TBX3: variants seen among roughly 807,000 people sequenced by gnomAD.
TBX3 encodes the protein T-box transcription factor 3, also known as T-box transcription factor TBX3.
In TBX3, 11 loss-of-function variants were observed where a neutral mutation model predicts 47.8. The ratio of observed to expected loss-of-function variants is 0.23; its 90% CI spans 0.14 to 0.38. The LOEUF (loss-of-function observed/expected upper bound fraction) is 0.38, where lower values mean the gene tolerates loss of function less well. Ranked by LOEUF, TBX3 falls within the 10% of genes least tolerant of loss-of-function variation. The probability of loss-of-function intolerance (pLI) is 1.00; values close to 1 mark genes in which losing one functional copy is unlikely to be tolerated. For synonymous variants in TBX3, 500 were observed against 449.3 expected, an observed-to-expected ratio of 1.11 and a Z score of -1.43; for missense variants, 927 against 1,022.8, an observed-to-expected ratio of 0.91 and a Z score of 1.28.
rs1229112162 is a variant in TBX3, at chr12:114,670,411, AATAT to A, written c.*1426_*1429del. 4.6e-6 allele frequency: 1 copy of A among 219,704 alleles called. No homozygotes were observed. The highest frequency in any genetic ancestry group is 9.1e-6 in the Non-Finnish European group (1 of 109,650). The allele number at this position is 219,704 out of a possible 1,614,324, so 13.6% of individuals were successfully genotyped here. A position where few individuals can be genotyped will look rare whatever the true frequency, so the allele number is the denominator to read the frequency against. The stretch of plus-strand genomic sequence containing the variant: ...CTCAGCACCTGACTTTTGAACTGTG[AATAT>A]ATCTCTATAGGCAGGCACCAATTCA... On this transcript the variant is annotated 3_prime_UTR_variant, in exon 7 of 7. Transcript: ENST00000349155.
At chr12:114,680,026 T>G in intron 2 of TBX3, 1 of 1,589,344 alleles carries the variant, frequency 6.3e-7, no homozygotes, top group Non-Finnish European at 8.6e-7. Flanking sequence ...TTCAGTACTT[T>G]AAGCGCCCAC....
In TBX3 at chr12:114,674,799, G is replaced by C. The variant is rs2121385647; in HGVS notation, c.1076C>G (p.Ala359Gly). The C allele has an allele frequency of 1.9e-6, 3 of 1,581,986 alleles. No individual in the cohort carries two copies. The highest frequency in any genetic ancestry group is 2.7e-5 in the African/African-American group (2 of 74,884). The change falls in exon 6 of 7, where the codon GCC becomes GGC. Residue 359 changes from alanine (A) to glycine (G), a missense_variant. Coordinates refer to ENST00000349155, the MANE Select transcript of TBX3 (RefSeq NM_005996.4). The part of the protein sequence containing the change: ...CPSEGESDAE[A>G]ESKEEHGPEA... ...GGGGCCATGCTCCTCTTTGCTCTCG[G>C]CCTCGGCGTCGCTCTCACCCTCGCT...
chr12:114,683,541 C>G lies in TBX3; in HGVS notation c.-341G>C, dbSNP rs551508937. 2.4e-4 allele frequency: 81 copies of G among 341,826 alleles called. No homozygotes were observed. Among genetic ancestry groups the G allele is most frequent in the African/African-American group, 1.6e-3 (77 of 48,144 alleles). 21.2% of individuals were successfully genotyped at this position (341,826 alleles called of 1,614,324 possible). A position where few individuals can be genotyped will look rare whatever the true frequency, so the allele number is the denominator to read the frequency against. ...GCGAGAGGAGCGAGCAGGGTCTCGA[C>G]TCGCGCCCGAGCCCTGCCGCTGAGC... On this transcript the variant is annotated 5_prime_UTR_variant, in exon 1 of 7. Transcript: ENST00000349155. The surrounding 1 kb of genome is among the most constrained non-coding windows in gnomAD (Gnocchi z 7.7).
chr12:114,680,803 C>T, intron 2 of TBX3, 76 bp downstream of exon 2: 2 of 1,600,360 alleles, frequency 1.2e-6, no homozygotes, highest in East Asian at 4.5e-5. Flanking sequence ...TGGGCTGAAA[C>T]TCATGAAATG....
At chr12:114,680,423 A>G (rs1291943013) in intron 2 of TBX3, 2 of 284,278 alleles carry the variant, frequency 7.0e-6, no homozygotes, top group African/African-American at 4.4e-5. Context: ...TTTTTAGTAA[A>G]AGAACGAGTT....
Position 114,676,489 on chromosome 12 carries a change from C to T in TBX3, c.882-19G>A, listed in dbSNP as rs771738394. 5 of 1,614,054 alleles carry T rather than the reference C, an allele frequency of 3.1e-6. No homozygotes were observed. The African/African-American group carries it at 4.0e-5, about 13-fold the overall frequency. On this transcript the variant is annotated intron_variant, in intron 4 of 6. Transcript: ENST00000349155. ...CTGTTTTCTGTGGCAGAAGCCCACA[C>T]CCAGGTTACAGAATGTAACATACAT...
chr12:114,683,394 T>G lies in TBX3; in HGVS notation c.-194A>C. 1 of 745,546 alleles carries G rather than the reference T, an allele frequency of 1.3e-6. No individual in the cohort carries two copies. The allele number at this position is 745,546 out of a possible 1,614,324, so 46.2% of individuals were successfully genotyped here. A position where few individuals can be genotyped will look rare whatever the true frequency, so the allele number is the denominator to read the frequency against. On this transcript the variant is annotated 5_prime_UTR_variant, in exon 1 of 7. Coordinates refer to ENST00000349155, the MANE Select transcript of TBX3 (RefSeq NM_005996.4). The surrounding 1 kb of genome is among the most constrained non-coding windows in gnomAD (Gnocchi z 7.7). ...TCAAAGGGAGGAGGGGAAGTGTCTTTTGGAGAATGGGAGGCCGCTTTTAAA... is the reference window on the plus strand; with the variant it reads ...TCAAAGGGAGGAGGGGAAGTGTCTTGTGGAGAATGGGAGGCCGCTTTTAAA...
rs550342468 is a variant in TBX3, at chr12:114,678,347, C to T, written c.805-691G>A. ...TTCACAGGATTCTGGGTCTAGAGGGCACATGCATTTTGCACTTTGAGAAAA... is the reference window on the plus strand; with the variant it reads ...TTCACAGGATTCTGGGTCTAGAGGGTACATGCATTTTGCACTTTGAGAAAA... On this transcript the variant is annotated intron_variant, in intron 3 of 6. Transcript: ENST00000349155. 5.8e-4 allele frequency among the ~76,000 whole-genome samples: 89 copies of T among 152,278 alleles called. 1 individual carries two copies. The highest frequency in any genetic ancestry group is 2.0e-3 in the African/African-American group (83 of 41,562).
Position 114,674,714 on chromosome 12 carries a change from C to A in TBX3, c.1161G>T (p.Lys387Asn), listed in dbSNP as rs777967004. The A allele has an allele frequency of 1.2e-6, 2 of 1,603,298 alleles. No individual in the cohort carries two copies. Among genetic ancestry groups the A allele is most frequent in the South Asian group, 1.1e-5 (1 of 90,104 alleles). Reference protein sequence around the residue: ...TTTSEEPCRDKGSPAVKAHLF... With the variant: ...TTTSEEPCRDNGSPAVKAHLF... ...GGTGAGCCTTGACCGCGGGGCTGCC[C>A]TTGTCACGGCAGGGCTCCTCCGACG... Residue 387 changes from lysine (K) to asparagine (N), a missense_variant, in exon 6 of 7, where the codon AAG becomes AAT. Around this residue, in one of 5 missense-constraint regions of TBX3, gnomAD observed 623 missense variants for 569.0 expected, o/e 1.09. Transcript: ENST00000349155.
At chr12:114,679,453 T>C in intron 3 of TBX3, 52 bp downstream of exon 3, 3 of 1,613,502 alleles carry the variant, frequency 1.9e-6, no homozygotes, top group East Asian at 2.2e-5. Flanking sequence ...AAAGCAGCTT[T>C]TAAGGGGAAG....
chr12:114,678,244 G>A (rs954366403), intron 3 of TBX3, among the ~76,000 whole-genome samples: 9 of 152,144 alleles, frequency 5.9e-5, no homozygotes, highest in African/African-American at 2.2e-4. Context: ...CTCTGCCATG[G>A]CCATTAGGTG....
At chr12:114,678,350 A>G (rs934920280) in intron 3 of TBX3, among the ~76,000 whole-genome samples, 8 of 152,236 alleles carry the variant, frequency 5.3e-5, no homozygotes, top group African/African-American at 1.4e-4. Context: ...TAGAGGGCAC[A>G]TGCATTTTGC....
chr12:114,682,335 G>C (rs1288525015), intron 1 of TBX3, among the ~76,000 whole-genome samples: 1 of 152,148 alleles, frequency 6.6e-6, no homozygotes, highest in African/African-American at 2.4e-5. Context: ...TTTAGACCCA[G>C]AGGCTAGACT....
Position 114,674,406 on chromosome 12 carries a change from T to G in TBX3, c.1469A>C (p.Gln490Pro). 6.4e-7 allele frequency: 1 copy of G among 1,550,994 alleles called. No homozygotes were observed. The highest frequency in any genetic ancestry group is 8.7e-7 in the Non-Finnish European group (1 of 1,147,558). ...GAGCGGGTGCCCGTTGAAGAACTGT[T>G]GGCCCGCCAGGCCCGGGGCGAAGCC... ...GLGFAPGLAG[Q>P]QFFNGHPLFL... The change falls in exon 6 of 7, where the codon CAA (glutamine) becomes CCA (proline). Residue 490 changes from glutamine (Q) to proline (P), a missense_variant. Physicochemically the swap from Gln to Pro is moderately conservative, Grantham distance 76. Around this residue, in one of 5 missense-constraint regions of TBX3, gnomAD observed 623 missense variants for 569.0 expected, o/e 1.09. Coordinates refer to ENST00000349155, the MANE Select transcript of TBX3 (RefSeq NM_005996.4).
intron 4 of TBX3, 134 bp from the exon 5 acceptor site, chr12:114,676,604 A>T: frequency 8.1e-7 from 1 of 1,237,624 alleles, no homozygotes; most frequent in Non-Finnish European, 1.2e-6. Context: ...TAATTCACTG[A>T]AATCTGCTTG....
At chr12:114,678,444 C>CA (rs1305471583) in intron 3 of TBX3, among the ~76,000 whole-genome samples, 3 of 152,260 alleles carry the variant, frequency 2.0e-5, no homozygotes, top group Non-Finnish European at 4.4e-5. Context: ...CAGAGTTACT[C>CA]AGAGGTGGAA....
chr12:114,675,924 GAC>G (rs1384355536), intron 5 of TBX3, among the ~76,000 whole-genome samples: 4 of 152,134 alleles, frequency 2.6e-5, no homozygotes, highest in African/African-American at 9.7e-5. Flanking sequence ...AGAGTTCAAA[GAC>G]AGTGAAAAGT....
chr12:114,674,744 G>A lies in TBX3; in HGVS notation c.1131C>T (p.Thr377=). 6.3e-7 allele frequency: 1 copy of A among 1,595,828 alleles called. No homozygotes were observed. Among genetic ancestry groups the A allele is most frequent in the Non-Finnish European group, 8.5e-7 (1 of 1,175,488 alleles). The change falls in exon 6 of 7, where the codon ACC becomes ACT. Residue 377 remains threonine, a synonymous_variant. Transcript: ENST00000349155. ...PEACDAAKIS[T]TTSEEPCRDK... is the part of the protein sequence containing the mutation. Reference sequence around the variant, plus strand: ...CACGGCAGGGCTCCTCCGACGTGGTGGTGGAGATCTTGGCCGCGTCGCAGG... The same window carrying A: ...CACGGCAGGGCTCCTCCGACGTGGTAGTGGAGATCTTGGCCGCGTCGCAGG...
In TBX3 at chr12:114,674,281, C is replaced by A. The variant is rs1160762375; in HGVS notation, c.1594G>T (p.Gly532Cys). Reference protein sequence around the residue: ...LLATVSGASTGVSGLDSTAMA... With the variant: ...LLATVSGASTCVSGLDSTAMA... ...GCCGTGGAATCCAGGCCCGAGACAC[C>A]GGTGGAGGCCCCAGAAACCGTGGCC... is the stretch of plus-strand genomic sequence containing the variant. The change falls in exon 6 of 7, where the codon GGT (glycine) becomes TGT (cysteine). Residue 532 changes from glycine (G) to cysteine (C), a missense_variant. By Grantham distance (159) the Gly-to-Cys change is radical. Coordinates refer to ENST00000349155, the MANE Select transcript of TBX3 (RefSeq NM_005996.4). The A allele has an allele frequency of 1.3e-6, 2 of 1,580,880 alleles. No individual in the cohort carries two copies. Among genetic ancestry groups the A allele is most frequent in the Admixed American group, 1.8e-5 (1 of 55,064 alleles).
Sources: allele counts gnomAD v4.1 joint callset (sites outside exome capture counted in the v4.1 genomes callset), GRCh38; gene constraint gnomAD v4.1.1; regional missense constraint gnomAD v4.1.1; non-coding constraint Gnocchi (gnomAD v3.1); transcripts MANE v1.5; gene names NCBI Gene and HGNC (gene_info 2026-07-23, HGNC 2026-07-21).